ZNF385D: variants seen among roughly 807,000 people sequenced by gnomAD.
ZNF385D encodes the protein zinc finger protein 385D, also known as zinc finger protein 659.
ZNF385D carries 15 observed loss-of-function variants against 35.8 expected under a neutral mutation model. The observed-to-expected ratio is 0.42, with a 90% CI of 0.28 to 0.64. The LOEUF (loss-of-function observed/expected upper bound fraction) is 0.64. Ranked by LOEUF, ZNF385D falls within the 30% of genes least tolerant of loss-of-function variation. ZNF385D has a pLI of 0.23. For synonymous variants in ZNF385D, 212 were observed against 186.8 expected (o/e 1.13, Z -1.10); for missense variants, 474 against 494.6 (o/e 0.96, Z 0.39).
intron 3 of ZNF385D, among the ~76,000 whole-genome samples, chr3:21,949,628 A>G (rs1701967904): frequency 6.7e-6 from 1 of 149,680 alleles, no homozygotes; most frequent in Non-Finnish European, 1.5e-5. Context: ...ACATAGGTAT[A>G]CAAGTGCCAC....
chr3:22,182,017 T>A (rs1695314036), intron 2 of ZNF385D, among the ~76,000 whole-genome samples: 1 of 151,974 alleles, frequency 6.6e-6, no homozygotes. Flanking sequence ...GGTGGTTCCT[T>A]CCCCAGTTGA....
intron 3 of ZNF385D, among the ~76,000 whole-genome samples, chr3:22,030,283 A>ATG (rs1358647950): frequency 2.7e-4 from 26 of 97,968 alleles, no homozygotes; most frequent in African/African-American, 9.2e-4. Flanking sequence ...ATATATATAT[A>ATG]TATATATATA....
At chr3:21,484,393 C>T (rs890971200) in intron 4 of ZNF385D, among the ~76,000 whole-genome samples, 2 of 152,190 alleles carry the variant, frequency 1.3e-5, no homozygotes, top group Non-Finnish European at 2.9e-5. Flanking sequence ...ACACCATGCA[C>T]TGCACAAGCT....
At chr3:21,935,586 G>A (rs1428546996) in intron 3 of ZNF385D, among the ~76,000 whole-genome samples, 4 of 152,060 alleles carry the variant, frequency 2.6e-5, no homozygotes, top group Admixed American at 1.3e-4. Flanking sequence ...TTCTGTTGAC[G>A]AAAATCAATT....
chr3:22,243,173 C>A (rs1699587780), intron 2 of ZNF385D, among the ~76,000 whole-genome samples: 1 of 149,660 alleles, frequency 6.7e-6, no homozygotes, highest in Non-Finnish European at 1.5e-5. Flanking sequence ...CACTTGCAAC[C>A]CAATAATAAA....
At chr3:22,290,040 AG>A in intron 2 of ZNF385D, among the ~76,000 whole-genome samples, 1 of 152,268 alleles carries the variant, frequency 6.6e-6, no homozygotes, top group East Asian at 1.9e-4. Flanking sequence ...AGTCCCTGGA[AG>A]TGTGATCATG....
At chr3:21,921,196 C>G (rs1257094292) in intron 3 of ZNF385D, among the ~76,000 whole-genome samples, 2 of 124,532 alleles carry the variant, frequency 1.6e-5, no homozygotes, top group African/African-American at 6.1e-5. Flanking sequence ...GCACTCCAGC[C>G]TGGGCGACAG....
chr3:22,073,614 T>C (rs1352491959), intron 3 of ZNF385D, among the ~76,000 whole-genome samples: 1 of 151,884 alleles, frequency 6.6e-6, no homozygotes, highest in Non-Finnish European at 1.5e-5. Context: ...ATTATGCAAA[T>C]AATTTAGGCT....
chr3:21,525,800 T>C (rs1446051755), intron 3 of ZNF385D, among the ~76,000 whole-genome samples: 5 of 152,078 alleles, frequency 3.3e-5, no homozygotes, highest in South Asian at 4.1e-4. Flanking sequence ...GAATTTACCA[T>C]GGTCAAAGCT....
intron 2 of ZNF385D, among the ~76,000 whole-genome samples, chr3:22,306,070 T>C (rs1415890716): frequency 6.6e-6 from 1 of 152,182 alleles, no homozygotes; most frequent in Non-Finnish European, 1.5e-5. Flanking sequence ...TGTTTCCTTG[T>C]GGAAGGGCAA....
intron 2 of ZNF385D, among the ~76,000 whole-genome samples, chr3:22,192,136 G>A (rs1028564752): frequency 2.0e-5 from 3 of 152,096 alleles, no homozygotes; most frequent in Admixed American, 1.3e-4. Context: ...ATGGCCCCAA[G>A]ACTAACAGAT....
intron 3 of ZNF385D, among the ~76,000 whole-genome samples, chr3:22,130,766 C>A (rs559257029): frequency 1.3e-5 from 2 of 152,246 alleles, no homozygotes; most frequent in East Asian, 1.9e-4. Flanking sequence ...GATGTTAGAA[C>A]TGGGTACCAT....
At chr3:22,279,434 T>C (rs1291996089) in intron 2 of ZNF385D, among the ~76,000 whole-genome samples, 2 of 151,352 alleles carry the variant, frequency 1.3e-5, no homozygotes, top group Non-Finnish European at 2.9e-5. Flanking sequence ...CAAATGCTAT[T>C]ATTTCATTCC....
At chr3:22,359,085 A>C (rs182754638) in intron 2 of ZNF385D, among the ~76,000 whole-genome samples, 5,415 of 130,854 alleles carry the variant, frequency 0.041, 148 homozygotes, top group East Asian at 0.1. Context: ...AAAAAAAAAA[A>C]CAAAAAACAA....
At chr3:22,063,898 G>C (rs1699809409) in intron 3 of ZNF385D, among the ~76,000 whole-genome samples, 1 of 152,190 alleles carries the variant, frequency 6.6e-6, no homozygotes, top group Non-Finnish European at 1.5e-5. Flanking sequence ...TTTGACAGCA[G>C]GACACCTTGA....
chr3:22,192,947 G>C (rs1433472342), intron 2 of ZNF385D, among the ~76,000 whole-genome samples: 1 of 152,062 alleles, frequency 6.6e-6, no homozygotes, highest in East Asian at 1.9e-4. Flanking sequence ...CCTTGACTAA[G>C]AAATAAAACT....
intron 3 of ZNF385D, among the ~76,000 whole-genome samples, chr3:21,802,736 G>T (rs1238280082): frequency 6.6e-6 from 1 of 152,140 alleles, no homozygotes; most frequent in Non-Finnish European, 1.5e-5. Context: ...TAGTCTCTGA[G>T]CCTTTGTCTT....
chr3:21,470,672 T>C (rs1412671695), intron 4 of ZNF385D, among the ~76,000 whole-genome samples: 2 of 152,130 alleles, frequency 1.3e-5, no homozygotes, highest in Admixed American at 1.3e-4. Flanking sequence ...TATTCTCTTA[T>C]CACAGATCCT....
chr3:21,920,455 G>C (rs1389288741), intron 3 of ZNF385D, among the ~76,000 whole-genome samples: 2 of 152,046 alleles, frequency 1.3e-5, no homozygotes, highest in African/African-American at 4.8e-5. Context: ...ATTACAGACA[G>C]AAATATTAGT....
Sources: gnomAD v4.1 joint callset for allele counts (sites outside exome capture counted in the v4.1 genomes callset) on GRCh38, gnomAD v4.1.1 for gene constraint, MANE v1.5 for transcripts, NCBI Gene and HGNC (gene_info 2026-07-23, HGNC 2026-07-21) for gene names.